The following NUMA1 variants were observed in gnomAD, a reference collection of about 807,000 sequenced individuals.
NUMA1 encodes SP-H antigen.
NUMA1 carries 62 observed loss-of-function variants against 237.1 expected under a neutral mutation model. That is an observed-to-expected ratio of 0.26 (90% CI 0.21 to 0.32). The LOEUF is 0.32. Among genes scored for constraint, NUMA1 ranks in the 10% least tolerant of loss-of-function variants. The pLI is 1.00. For synonymous variants in NUMA1, 1,028 were observed against 1,066.1 expected, an observed-to-expected ratio of 0.96 and a Z score of 0.70; for missense variants, 2,533 against 2,666.5, an observed-to-expected ratio of 0.95 and a Z score of 1.10.
chr11:72,057,662 TGAACCC>T (rs1293586599), intron 2 of NUMA1, among the ~76,000 whole-genome samples: 1 of 151,118 alleles, frequency 6.6e-6, no homozygotes, highest in East Asian at 1.9e-4. Context: ...GAGAATTGCT[TGAACCC>T]GGGAGGTGGA....
chr11:72,012,244 T>TCCTGGGCAG, intron 16 of NUMA1, 157 bp downstream of exon 16: 1 of 722,808 alleles, frequency 1.4e-6, no homozygotes, highest in Non-Finnish European at 2.4e-6. Context: ...CACACCACAC[T>TCCTGGGCAG]CCTGGGCAGC....
chr11:72,015,079 T>C lies in NUMA1; in HGVS notation c.2424A>G (p.Lys808=), dbSNP rs559031458. The part of the protein sequence containing the change: ...TAESECEQLV[K]EVAAWRERYE... Reference sequence around the variant, plus strand: ...ACCGCTCACGCCAGGCAGCTACTTCTTTGACGAGCTGCTCACACTCACTCT... The same window carrying C: ...ACCGCTCACGCCAGGCAGCTACTTCCTTGACGAGCTGCTCACACTCACTCT... The change falls in exon 15 of 27, where the codon AAA becomes AAG. Residue 808 remains lysine (K), a synonymous_variant. Transcript: ENST00000393695. The surrounding 1 kb of genome is among the most constrained non-coding windows in gnomAD (Gnocchi z 4.0). 17 of 1,614,026 alleles carry C rather than the reference T, an allele frequency of 1.1e-5. No individual in the cohort carries two copies. The Admixed American group carries it at 2.5e-4, about 24-fold the overall frequency.
intron 2 of NUMA1, among the ~76,000 whole-genome samples, chr11:72,055,575 G>A (rs1246558358): frequency 6.6e-6 from 1 of 152,156 alleles, no homozygotes; most frequent in Non-Finnish European, 1.5e-5. Context: ...TGCTGGTAAT[G>A]TTCTGTTTCT....
chr11:72,065,044 C>T (rs528249335), intron 2 of NUMA1, among the ~76,000 whole-genome samples: 25 of 152,122 alleles, frequency 1.6e-4, no homozygotes, highest in African/African-American at 6.0e-4. Flanking sequence ...TTATGGGTGC[C>T]TTTTACTTTC....
rs765367789 is a variant in NUMA1, at chr11:72,007,425, G to A, written c.5227C>T (p.Arg1743Cys). The change falls in exon 21 of 27, where the codon CGT becomes TGT. Residue 1743 changes from arginine to cysteine, a missense_variant. Coordinates refer to ENST00000393695, the MANE Select transcript of NUMA1 (RefSeq NM_006185.4). Reference sequence around the variant, plus strand: ...ACGCTGGTGCCGTCTGGCTGGGTACGAGGCAGCTTGCTATGGAAAGGAAAC... The same window carrying A: ...ACGCTGGTGCCGTCTGGCTGGGTACAAGGCAGCTTGCTATGGAAAGGAAAC... ...TPLSITSKLP[R>C]TQPDGTSVPG... 3.2e-5 allele frequency: 51 copies of A among 1,613,336 alleles called. No homozygotes were observed. Among genetic ancestry groups the A allele is most frequent in the Middle Eastern group, 1.7e-4 (1 of 6,010 alleles).
At chr11:72,074,701 T>C (rs930169573) in intron 1 of NUMA1, among the ~76,000 whole-genome samples, 3 of 152,176 alleles carry the variant, frequency 2.0e-5, no homozygotes, top group Non-Finnish European at 4.4e-5. Flanking sequence ...ATGACGCCAC[T>C]GCACTCCAGC....
rs754384954 is a variant in NUMA1 at position 72,014,467 on chromosome 11, C to T, written c.3036G>A (p.Glu1012=). Residue 1012 remains glutamate (E), a synonymous_variant, in exon 15 of 27, where the codon GAG becomes GAA. Coordinates refer to ENST00000393695, the MANE Select transcript of NUMA1 (RefSeq NM_006185.4). This position sits in a 1 kb window ranked among gnomAD's most constrained non-coding sequence, Gnocchi z 4.6. ...CAAGGTCAGCCTGGGCACGGCCCCG[C>T]TCCTGGGTCAGCCGCGCCACCTCCC... ...QEREVARLTQ[E]RGRAQADLAL... is the part of the protein sequence containing the mutation. The T allele has an allele frequency of 7.4e-5, 118 of 1,603,600 alleles. No individual in the cohort carries two copies. Among genetic ancestry groups the T allele is most frequent in the Non-Finnish European group, 9.3e-5 (110 of 1,179,996 alleles).
chr11:72,015,506 T>C lies in NUMA1; in HGVS notation c.1997A>G (p.Gln666Arg). Residue 666 changes from glutamine to arginine, a missense_variant, in exon 15 of 27, where the codon CAG becomes CGG. By Grantham distance (43) the Gln-to-Arg change is conservative. Coordinates refer to ENST00000393695, the MANE Select transcript of NUMA1 (RefSeq NM_006185.4). The surrounding 1 kb of genome is among the most constrained non-coding windows in gnomAD (Gnocchi z 4.0). The stretch of plus-strand genomic sequence containing the variant: ...TGCAACCTGGGCCTGGGCCTCATGC[T>C]GTTCCTGGCGGGCTGTCTCAACACA... ...QACVETARQEQHEAQAQVAEL... is the reference protein window; with the variant it reads ...QACVETARQERHEAQAQVAEL... 5 of 1,613,178 alleles carry C rather than the reference T, an allele frequency of 3.1e-6. No homozygotes were observed. The highest frequency in any genetic ancestry group is 4.2e-6 in the Non-Finnish European group (5 of 1,179,982).
intron 6 of NUMA1, 78 bp from the exon 7 acceptor site, chr11:72,022,497 A>C: frequency 3.2e-6 from 3 of 924,538 alleles, no homozygotes; most frequent in Admixed American, 2.0e-5. Flanking sequence ...TGTTCTGGGG[A>C]CTCTGAGCTA....
Position 72,014,974 on chromosome 11 carries a change from C to G in NUMA1, c.2529G>C (p.Glu843Asp). Residue 843 changes from glutamate (E) to aspartate (D), a missense_variant, in exon 15 of 27, where the codon GAG (glutamate) becomes GAC (aspartate). Coordinates refer to ENST00000393695, the MANE Select transcript of NUMA1 (RefSeq NM_006185.4). The surrounding 1 kb of genome is among the most constrained non-coding windows in gnomAD (Gnocchi z 4.6). ...CCTCCTGCAGCTCCTGGCGGGCCTT[C>G]TCACATTCCTCCTTCAAAGTCATCA... is the stretch of plus-strand genomic sequence containing the variant. The part of the protein sequence containing the change: ...EQLMTLKEEC[E>D]KARQELQEAK... 1 of 1,614,116 alleles carries G rather than the reference C, an allele frequency of 6.2e-7. No homozygotes were observed. Among genetic ancestry groups the G allele is most frequent in the Non-Finnish European group, 8.5e-7 (1 of 1,180,046 alleles).
In NUMA1 at chr11:72,014,490, C is replaced by T. The variant is rs1181220555; in HGVS notation, c.3013G>A (p.Glu1005Lys). The change falls in exon 15 of 27, where the codon GAG becomes AAG. Residue 1005 changes from glutamate (E) to lysine (K), a missense_variant. Coordinates refer to ENST00000393695, the MANE Select transcript of NUMA1 (RefSeq NM_006185.4). This position sits in a 1 kb window ranked among gnomAD's most constrained non-coding sequence, Gnocchi z 4.6. ...CGCTCCTGGGTCAGCCGCGCCACCTCCCTTTCCTGCTGCCCACGCTCCTCC... is the reference window on the plus strand; with the variant it reads ...CGCTCCTGGGTCAGCCGCGCCACCTTCCTTTCCTGCTGCCCACGCTCCTCC... ...QQEERGQQER[E>K]VARLTQERGR... 1.9e-6 allele frequency: 3 copies of T among 1,602,104 alleles called. No homozygotes were observed. The highest frequency in any genetic ancestry group is 2.5e-6 in the Non-Finnish European group (3 of 1,179,942).
chr11:72,046,891 C>T (rs949467508), intron 2 of NUMA1, among the ~76,000 whole-genome samples: 6 of 151,508 alleles, frequency 4.0e-5, no homozygotes, highest in East Asian at 1.9e-4. Context: ...ATCCGGGAGG[C>T]GGAGGTTGCA....
At chr11:72,010,944 C>T in intron 16 of NUMA1, 90 bp from the exon 17 acceptor site, 1 of 1,107,754 alleles carries the variant, frequency 9.0e-7, no homozygotes, top group Non-Finnish European at 1.4e-6. Context: ...TTTCCCAGAC[C>T]AGGATCCCCA....
chr11:72,037,518 T>A (rs907668050), intron 2 of NUMA1, among the ~76,000 whole-genome samples: 11 of 150,504 alleles, frequency 7.3e-5, no homozygotes, highest in Non-Finnish European at 1.5e-4. Flanking sequence ...AAAAAAATAA[T>A]AAAAAAAAAG....
chr11:72,012,317 C>T (rs1243839554), intron 16 of NUMA1, 84 bp downstream of exon 16: 9 of 1,324,216 alleles, frequency 6.8e-6, no homozygotes, highest in East Asian at 4.6e-5. Flanking sequence ...CAGGAGCTGG[C>T]GGAGGCAAGC....
At chr11:72,011,378 G>A (rs1366247366) in intron 16 of NUMA1, among the ~76,000 whole-genome samples, 1 of 152,206 alleles carries the variant, frequency 6.6e-6, no homozygotes, top group African/African-American at 2.4e-5. Context: ...TAGCATTGGG[G>A]AACAGATTGC....
At chr11:72,034,320 A>G (rs532238008) in intron 3 of NUMA1, among the ~76,000 whole-genome samples, 1 of 152,232 alleles carries the variant, frequency 6.6e-6, no homozygotes, top group Admixed American at 6.5e-5. Flanking sequence ...TTATCCTTGT[A>G]ATTACCCCAT....
intron 16 of NUMA1, 149 bp from the exon 17 acceptor site, chr11:72,011,003 ACAGCCTGCTGCC>A (rs1956122119): frequency 4.1e-6 from 3 of 733,536 alleles, no homozygotes; most frequent in Non-Finnish European, 7.1e-6. Flanking sequence ...CAATTACGGA[ACAGCCTGCTGCC>A]CAGGCTGCTT....
intron 2 of NUMA1, chr11:72,065,740 A>G (rs1386367441): frequency 6.6e-6 from 1 of 152,230 alleles, no homozygotes; most frequent in Non-Finnish European, 1.5e-5. Flanking sequence ...TTTTATCCAC[A>G]AAGGATTATC....
Sources: gnomAD v4.1 joint callset for allele counts (sites outside exome capture counted in the v4.1 genomes callset) on GRCh38, gnomAD v4.1.1 for gene constraint, Gnocchi (gnomAD v3.1) non-coding constraint, MANE v1.5 for transcripts, NCBI Gene and HGNC (gene_info 2026-07-23, HGNC 2026-07-21) for gene names.